RAP2C: variants seen among roughly 807,000 people sequenced by gnomAD.
RAP2C encodes RAP2C, member of RAS oncogene family, also known as ras-related protein Rap-2c.
In RAP2C, 3 loss-of-function variants were observed where a neutral mutation model predicts 8.9. That is an observed-to-expected ratio of 0.34 (90% CI 0.15 to 0.87). RAP2C has a LOEUF of 0.87. Among genes scored for constraint, RAP2C ranks in the 40% least tolerant of loss-of-function variants. The probability of loss-of-function intolerance (pLI) is 0.51; values close to 1 mark genes in which losing one functional copy is unlikely to be tolerated. For synonymous variants in RAP2C, 60 were observed against 52.1 expected (o/e 1.15, Z -0.65); for missense variants, 76 against 133.7 (o/e 0.57, Z 2.13).
rs1215878076 is a variant in RAP2C, at chrX:132,203,427, T to C, written c.*2195A>G. ...CTGGAGAAACCACCTTTAAAATCAC[T>C]TTCCCCTGATTCCTGCGATCCTAAG... On this transcript the variant is annotated 3_prime_UTR_variant, in exon 6 of 6. Coordinates refer to ENST00000370874, the MANE Select transcript of RAP2C (RefSeq NM_001271186.2). 2 of 109,528 alleles carry C rather than the reference T, an allele frequency of 1.8e-5. No homozygotes were observed. Among genetic ancestry groups the C allele is most frequent in the Admixed American group, 9.9e-5 (1 of 10,099 alleles). The allele number at this position is 109,528 out of a possible 1,213,427, so 9.0% of individuals were successfully genotyped here.
intron 5 of RAP2C, among the ~76,000 whole-genome samples, chrX:132,207,307 C>T (rs906922579): frequency 9.0e-6 from 1 of 111,367 alleles, no homozygotes; most frequent in East Asian, 2.8e-4. Context: ...CAAGCATTCT[C>T]TAAAATCAAA....
intron 5 of RAP2C, among the ~76,000 whole-genome samples, chrX:132,205,809 G>A (rs989859776): frequency 1.7e-4 from 19 of 109,664 alleles, no homozygotes; most frequent in South Asian, 7.8e-4. Flanking sequence ...GTGTGTGTGC[G>A]TGTGTGTAGC....
chrX:132,212,829 C>G (rs1363910270), intron 5 of RAP2C, among the ~76,000 whole-genome samples: 1 of 111,988 alleles, frequency 8.9e-6, no homozygotes. Flanking sequence ...ACAAGCTGGA[C>G]TATGGTCTGA....
chrX:132,216,326 G>A (rs1359735312), intron 4 of RAP2C, among the ~76,000 whole-genome samples: 1 of 111,396 alleles, frequency 9.0e-6, no homozygotes, highest in Non-Finnish European at 1.9e-5. Flanking sequence ...GAAACAATTT[G>A]GATCAACTGC....
intron 4 of RAP2C, chrX:132,214,700 A>G: frequency 3.4e-6 from 1 of 294,371 alleles, no homozygotes; most frequent in South Asian, 1.6e-4. Context: ...GACTCATATA[A>G]TCACTTTTAC....
chrX:132,217,413 A>T lies in RAP2C; in HGVS notation c.-145T>A, dbSNP rs777447961. The T allele has an allele frequency of 3.4e-6, 1 of 298,466 alleles. No individual in the cohort carries two copies. Among genetic ancestry groups the T allele is most frequent in the East Asian group, 7.0e-5 (1 of 14,208 alleles). 24.6% of individuals were successfully genotyped at this position (298,466 alleles called of 1,213,427 possible). ...GAGCAGAGGGCCCAACCGGGGAAGAAGAGGAAGTTACAGGAGGGGGAGGGG... is the reference window on the plus strand; with the variant it reads ...GAGCAGAGGGCCCAACCGGGGAAGATGAGGAAGTTACAGGAGGGGGAGGGG... On this transcript the variant is annotated 5_prime_UTR_variant, in exon 4 of 6. Transcript: ENST00000370874.
Position 132,203,522 on chromosome X carries a change from AG to A in RAP2C, c.*2099del. 1.4e-5 allele frequency: 1 copy of A among 72,823 alleles called. No homozygotes were observed. The highest frequency in any genetic ancestry group is 5.8e-4 in the South Asian group (1 of 1,737). 6.0% of individuals were successfully genotyped at this position (72,823 alleles called of 1,213,427 possible). A position where few individuals can be genotyped will look rare whatever the true frequency, so the allele number is the denominator to read the frequency against. On this transcript the variant is annotated 3_prime_UTR_variant, in exon 6 of 6. Coordinates refer to ENST00000370874, the MANE Select transcript of RAP2C (RefSeq NM_001271186.2). ...CTGTAATTTTGAGAGAGAGAGAGAG[AG>A]AGAGAGAGAGAGAGAGAGAGAGAGA...
chrX:132,212,908 G>A (rs1368405679), intron 5 of RAP2C, among the ~76,000 whole-genome samples: 3 of 112,437 alleles, frequency 2.7e-5, no homozygotes, highest in Non-Finnish European at 3.8e-5. Context: ...TCATATTCTG[G>A]TATGCTAAAG....
chrX:132,214,938 A>G (rs1398769618), intron 4 of RAP2C, among the ~76,000 whole-genome samples: 1 of 111,697 alleles, frequency 9.0e-6, no homozygotes, highest in Non-Finnish European at 1.9e-5. Flanking sequence ...AATGCCTAGA[A>G]TAAAAGAGTT....
In RAP2C at chrX:132,217,233, T is replaced by C. The variant is rs754370787; in HGVS notation, c.36A>G (p.Gly12=). 1 of 1,151,049 alleles carries C rather than the reference T, an allele frequency of 8.7e-7. No individual in the cohort carries two copies. The highest frequency in any genetic ancestry group is 1.8e-5 in the African/African-American group (1 of 55,372). The allele number at this position is 1,151,049 out of a possible 1,213,427, so 94.9% of individuals were successfully genotyped here. The change falls in exon 4 of 6, where the codon GGA becomes GGG. Residue 12 remains glycine, a synonymous_variant. Transcript: ENST00000370874. Reference sequence around the variant, plus strand: ...CAGTAAGGGCAGATTTGCCAACCCCTCCACTCCCTAACACCACTACCTTGT... The same window carrying C: ...CAGTAAGGGCAGATTTGCCAACCCCCCCACTCCCTAACACCACTACCTTGT... ...REYKVVVLGS[G]GVGKSALTVQ...
intron 5 of RAP2C, 67 bp downstream of exon 5, chrX:132,214,067 G>T: frequency 1.1e-6 from 1 of 934,211 alleles, no homozygotes; most frequent in Non-Finnish European, 1.5e-6. Flanking sequence ...ACACTAACCA[G>T]CTTTTTGTTT....
At chrX:132,207,328 A>G (rs965284366) in intron 5 of RAP2C, among the ~76,000 whole-genome samples, 1 of 111,783 alleles carries the variant, frequency 8.9e-6, no homozygotes, top group Non-Finnish European at 1.9e-5. Flanking sequence ...TTGAGAAAGT[A>G]GTTATTATTT....
intron 4 of RAP2C, among the ~76,000 whole-genome samples, chrX:132,216,408 C>T (rs1930582400): frequency 9.0e-6 from 1 of 111,392 alleles, no homozygotes; most frequent in Non-Finnish European, 1.9e-5. Flanking sequence ...AGTAACTTTT[C>T]TTCCTACTAC....
chrX:132,204,981 A>G lies in RAP2C; in HGVS notation c.*641T>C, dbSNP rs1464140602. ...GTAACCTTCAGAACATGTTAATTAC[A>G]AAAAAAAAAAAAAAAAAACAAAACA... On this transcript the variant is annotated 3_prime_UTR_variant, in exon 6 of 6. Transcript: ENST00000370874. 1.7e-5 allele frequency: 1 copy of G among 59,858 alleles called. No individual in the cohort carries two copies. The highest frequency in any genetic ancestry group is 6.5e-5 in the African/African-American group (1 of 15,397). The allele number at this position is 59,858 out of a possible 1,213,427, so 4.9% of individuals were successfully genotyped here.
chrX:132,211,790 C>T (rs950928366), intron 5 of RAP2C, among the ~76,000 whole-genome samples: 7 of 111,931 alleles, frequency 6.3e-5, no homozygotes, highest in Non-Finnish European at 1.3e-4. Flanking sequence ...TTATTTCTAA[C>T]TTGGACAAGG....
intron 1 of RAP2C, chrX:132,218,666 A>G (rs1930752099): frequency 8.9e-6 from 1 of 111,994 alleles, no homozygotes; most frequent in Non-Finnish European, 1.9e-5. Flanking sequence ...CGTGCCTGAC[A>G]AACACACAGA....
chrX:132,215,318 A>G (rs1185893597), intron 4 of RAP2C, among the ~76,000 whole-genome samples: 1 of 111,744 alleles, frequency 8.9e-6, no homozygotes, highest in Non-Finnish European at 1.9e-5. Flanking sequence ...GTAATATTTC[A>G]TAATTTTAAA....
At chrX:132,214,658 A>T in intron 4 of RAP2C, 1 of 550,415 alleles carries the variant, frequency 1.8e-6, no homozygotes, top group Non-Finnish European at 2.2e-6. Context: ...GGGTTTGTCA[A>T]GAATATAAAA....
chrX:132,217,402 A>C lies in RAP2C; in HGVS notation c.-134T>G. ...AGAGTGCAGAGGAGCAGAGGGCCCA[A>C]CCGGGGAAGAAGAGGAAGTTACAGG... is the stretch of plus-strand genomic sequence containing the variant. On this transcript the variant is annotated 5_prime_UTR_variant, in exon 4 of 6. Coordinates refer to ENST00000370874, the MANE Select transcript of RAP2C (RefSeq NM_001271186.2). 1 of 323,532 alleles carries C rather than the reference A, an allele frequency of 3.1e-6. No individual in the cohort carries two copies. The highest frequency in any genetic ancestry group is 1.2e-4 in the East Asian group (1 of 8,465). The allele number at this position is 323,532 out of a possible 1,213,427, so 26.7% of individuals were successfully genotyped here.
Sources: gnomAD v4.1 joint callset for allele counts (sites outside exome capture counted in the v4.1 genomes callset) on GRCh38, gnomAD v4.1.1 for gene constraint, MANE v1.5 for transcripts, NCBI Gene and HGNC (gene_info 2026-07-23, HGNC 2026-07-21) for gene names.